The following ENPP3 variants were observed in gnomAD, a reference collection of about 807,000 sequenced individuals.
ENPP3 encodes the protein ectonucleotide pyrophosphatase/phosphodiesterase 3.
In ENPP3, 104 loss-of-function variants were observed where a neutral mutation model predicts 117.8. The ratio of observed to expected loss-of-function variants is 0.88; its 90% CI spans 0.75 to 1.04. The LOEUF (loss-of-function observed/expected upper bound fraction) is 1.04, where lower values mean the gene tolerates loss of function less well. Ranked by LOEUF, ENPP3 falls within the 50% of genes least tolerant of loss-of-function variation. The pLI is 0.00. For missense variants in ENPP3, 1,026 were observed against 1,051.9 expected, an observed-to-expected ratio of 0.98 and a Z score of 0.34; for synonymous variants, 380 against 349.9, an observed-to-expected ratio of 1.09 and a Z score of -0.96.
At chr6:131,695,196 T>G (rs1363767367) in intron 15 of ENPP3, among the ~76,000 whole-genome samples, 1 of 152,178 alleles carries the variant, frequency 6.6e-6, no homozygotes, top group Non-Finnish European at 1.5e-5. Context: ...AATTTAGGTA[T>G]GTAATATATA....
At chr6:131,727,371 C>A (rs890840385) in intron 20 of ENPP3, among the ~76,000 whole-genome samples, 1 of 152,032 alleles carries the variant, frequency 6.6e-6, no homozygotes, top group Non-Finnish European at 1.5e-5. Flanking sequence ...GCTTGACCAA[C>A]ATGGTGAAAC....
chr6:131,647,447 G>A (rs376729788), intron 2 of ENPP3, among the ~76,000 whole-genome samples: 4 of 152,088 alleles, frequency 2.6e-5, no homozygotes, highest in African/African-American at 9.6e-5. Flanking sequence ...ATAGATCTTT[G>A]TATGTTTCTT....
intron 24 of ENPP3, among the ~76,000 whole-genome samples, chr6:131,741,000 A>G (rs1180417160): frequency 1.3e-5 from 2 of 152,096 alleles, no homozygotes; most frequent in Non-Finnish European, 2.9e-5. Context: ...TAAAAATTCC[A>G]TCAACTTGAA....
intron 15 of ENPP3, among the ~76,000 whole-genome samples, chr6:131,694,852 A>C (rs1395363089): frequency 6.8e-6 from 1 of 147,420 alleles, no homozygotes; most frequent in Non-Finnish European, 1.5e-5. Flanking sequence ...AAAAAAAAAA[A>C]AAAAGGAAAG....
chr6:131,744,386 A>T (rs1051155066), intron 24 of ENPP3, among the ~76,000 whole-genome samples: 1 of 152,216 alleles, frequency 6.6e-6, no homozygotes, highest in African/African-American at 2.4e-5. Context: ...AGAACTGCAG[A>T]TCTAGATTTG....
chr6:131,657,215 G>A (rs1377754096), intron 5 of ENPP3, among the ~76,000 whole-genome samples: 1 of 151,990 alleles, frequency 6.6e-6, no homozygotes, highest in Non-Finnish European at 1.5e-5. Context: ...ATGAACTATG[G>A]TATGAAATGG....
At chr6:131,684,109 A>C (rs1045636092) in intron 12 of ENPP3, among the ~76,000 whole-genome samples, 2 of 152,140 alleles carry the variant, frequency 1.3e-5, no homozygotes, top group African/African-American at 4.8e-5. Context: ...GATATGGAGT[A>C]GATCCTTCCT....
chr6:131,716,094 C>T (rs117971745), intron 15 of ENPP3, among the ~76,000 whole-genome samples: 181 of 152,338 alleles, frequency 1.2e-3, no homozygotes, highest in Non-Finnish European at 1.7e-3. Flanking sequence ...CATTACCCAG[C>T]TGTGGTAGAG....
At chr6:131,662,178 T>C (rs1385380877) in intron 6 of ENPP3, among the ~76,000 whole-genome samples, 1 of 152,206 alleles carries the variant, frequency 6.6e-6, no homozygotes, top group Non-Finnish European at 1.5e-5. Flanking sequence ...TGTATTCTTC[T>C]TGGCACCCTT....
chr6:131,652,441 G>T (rs940291244), intron 3 of ENPP3, 101 bp from the exon 4 acceptor site: 1 of 1,222,562 alleles, frequency 8.2e-7, no homozygotes, highest in Non-Finnish European at 1.1e-6. Flanking sequence ...GATAAACCAA[G>T]AATTTGATTG....
intron 11 of ENPP3, among the ~76,000 whole-genome samples, chr6:131,682,459 A>G (rs1779043061): frequency 6.6e-6 from 1 of 152,158 alleles, no homozygotes; most frequent in Admixed American, 6.5e-5. Context: ...GTGTCACTGT[A>G]CTCTAGCCTG....
intron 9 of ENPP3, among the ~76,000 whole-genome samples, chr6:131,676,294 G>A (rs762564377): frequency 5.4e-5 from 8 of 147,080 alleles, no homozygotes; most frequent in Non-Finnish European, 8.9e-5. Flanking sequence ...CTTTTAATAC[G>A]CTATATAATT....
Position 131,737,374 on chromosome 6 carries a change from T to C in ENPP3, c.2109T>C (p.Asp703=). 4 of 1,608,936 alleles carry C rather than the reference T, an allele frequency of 2.5e-6. No individual in the cohort carries two copies. Among genetic ancestry groups the C allele is most frequent in the Non-Finnish European group, 3.4e-6 (4 of 1,176,448 alleles). Reference sequence around the variant, plus strand: ...TTGCAGCCAGCAATAGAACATCAGATAGCCAATATGATGCTTTAATTACTA... The same window carrying C: ...TTGCAGCCAGCAATAGAACATCAGACAGCCAATATGATGCTTTAATTACTA... ...LYPPASNRTS[D]SQYDALITSN... is the part of the protein sequence containing the mutation. Residue 703 remains aspartate, a synonymous_variant, in exon 22 of 25, where the codon GAT becomes GAC. Transcript: ENST00000357639.
intron 17 of ENPP3, among the ~76,000 whole-genome samples, chr6:131,721,616 T>A (rs1037360184): frequency 2.6e-5 from 4 of 152,168 alleles, no homozygotes; most frequent in Admixed American, 2.6e-4. Context: ...TTGTATTATG[T>A]ATTTTCATAG....
rs1780333950 is a variant in ENPP3, at chr6:131,733,646, T to C, written c.2012T>C (p.Val671Ala). ...VPDCLRADVR[V>A]PPSESQKCSF... is the part of the protein sequence containing the mutation. ...GACTGTCTGCGGGCTGATGTCAGGG[T>C]TCCTCCTTCTGAGAGCCAAAAATGT... The change falls in exon 21 of 25, where the codon GTT becomes GCT. Residue 671 changes from valine to alanine, a missense_variant. Coordinates refer to ENST00000357639, the MANE Select transcript of ENPP3 (RefSeq NM_005021.5). 2.5e-6 allele frequency: 4 copies of C among 1,614,124 alleles called. No individual in the cohort carries two copies. The highest frequency in any genetic ancestry group is 4.5e-5 in the East Asian group (2 of 44,882).
intron 1 of ENPP3, among the ~76,000 whole-genome samples, chr6:131,639,977 A>G (rs757166123): frequency 5.9e-5 from 9 of 152,090 alleles, no homozygotes; most frequent in Non-Finnish European, 1.2e-4. Context: ...AATAATAATA[A>G]TAATAAATAA....
chr6:131,721,566 C>T (rs572394389), intron 17 of ENPP3, among the ~76,000 whole-genome samples: 2 of 151,610 alleles, frequency 1.3e-5, no homozygotes, highest in Non-Finnish European at 2.9e-5. Context: ...AACATACAAA[C>T]ATGCAAATTG....
At chr6:131,663,555 A>G (rs1778550591) in intron 6 of ENPP3, among the ~76,000 whole-genome samples, 1 of 150,352 alleles carries the variant, frequency 6.7e-6, no homozygotes, top group Admixed American at 6.6e-5. Flanking sequence ...GTAGCTAAGC[A>G]CAATGGGGTG....
In ENPP3 at chr6:131,726,120, C is replaced by T; in HGVS notation, c.1873C>T (p.Leu625Phe). 1.9e-6 allele frequency: 3 copies of T among 1,613,602 alleles called. No homozygotes were observed. Among genetic ancestry groups the T allele is most frequent in the Non-Finnish European group, 2.5e-6 (3 of 1,179,550 alleles). Residue 625 changes from leucine to phenylalanine, a missense_variant, in exon 20 of 25, where the codon CTT (leucine) becomes TTT (phenylalanine). By Grantham distance (22) the Leu-to-Phe change is conservative. Coordinates refer to ENST00000357639, the MANE Select transcript of ENPP3 (RefSeq NM_005021.5). ...VLQKNVDHCL[L>F]YHREYVSGFG... ...GCAGAAGAACGTGGACCACTGTCTC[C>T]TTTACCACAGGGAATATGTCAGTGG...
Sources: gnomAD v4.1 joint callset for allele counts (sites outside exome capture counted in the v4.1 genomes callset) on GRCh38, gnomAD v4.1.1 for gene constraint, MANE v1.5 for transcripts, NCBI Gene and HGNC (gene_info 2026-07-23, HGNC 2026-07-21) for gene names.